The following UBE2G1 variants were observed in gnomAD, a reference collection of about 807,000 sequenced individuals.
The protein encoded by UBE2G1 is ubiquitin-conjugating enzyme E2 G1.
A neutral mutation model predicts 22.7 loss-of-function variants in UBE2G1; 5 were observed. The ratio of observed to expected loss-of-function variants is 0.22; its 90% CI spans 0.12 to 0.46. The LOEUF (loss-of-function observed/expected upper bound fraction) is 0.46. UBE2G1 is among the 20% of genes least tolerant of loss of function. The pLI is 0.99. For synonymous variants in UBE2G1, 74 were observed against 67.5 expected, an observed-to-expected ratio of 1.10 and a Z score of -0.47; for missense variants, 88 against 203.9, an observed-to-expected ratio of 0.43 and a Z score of 3.46.
intron 1 of UBE2G1, among the ~76,000 whole-genome samples, chr17:4,338,694 G>T (rs1009402399): frequency 6.6e-6 from 1 of 152,206 alleles, no homozygotes; most frequent in African/African-American, 2.4e-5. Flanking sequence ...TAGCTAGGCA[G>T]TATGCATGCT....
intron 1 of UBE2G1, among the ~76,000 whole-genome samples, chr17:4,314,279 C>T (rs541367198): frequency 6.6e-5 from 10 of 152,214 alleles, no homozygotes; most frequent in African/African-American, 2.4e-4. Flanking sequence ...AGGAAGCTAT[C>T]GAGTAATACT....
chr17:4,317,657 G>GA (rs1969391401), intron 1 of UBE2G1, among the ~76,000 whole-genome samples: 1 of 152,210 alleles, frequency 6.6e-6, no homozygotes, highest in African/African-American at 2.4e-5. Context: ...TTCCCAAAGG[G>GA]ATTTGCTTGG....
chr17:4,336,592 G>A (rs1221159621), intron 1 of UBE2G1, among the ~76,000 whole-genome samples: 5 of 151,828 alleles, frequency 3.3e-5, no homozygotes, highest in African/African-American at 1.2e-4. Context: ...GTACAATGGT[G>A]CAAGGCTCAC....
At position 4,307,111 on chromosome 17, in the gene UBE2G1, T is replaced by C; in HGVS notation, c.59A>G (p.Asn20Ser). Residue 20 changes from asparagine (N) to serine (S), a missense_variant, in exon 2 of 6, where the codon AAT becomes AGT. Coordinates refer to ENST00000396981, the MANE Select transcript of UBE2G1 (RefSeq NM_003342.5). ...LRRQLAELNK[N>S]PVEGFSAGLI... ...ACCTGCAGAAAAGCCTTCCACTGGA[T>C]TTTTGTTGAGTTCTGTGGAAAAAGA... 1 of 1,613,878 alleles carries C rather than the reference T, an allele frequency of 6.2e-7. No individual in the cohort carries two copies. Among genetic ancestry groups the C allele is most frequent in the South Asian group, 1.1e-5 (1 of 91,078 alleles).
intron 1 of UBE2G1, among the ~76,000 whole-genome samples, chr17:4,341,253 T>C (rs1969709069): frequency 6.6e-6 from 1 of 152,160 alleles, no homozygotes; most frequent in African/African-American, 2.4e-5. Flanking sequence ...ATCATCCCTT[T>C]ATAAAGTATT....
At chr17:4,304,447 G>A (rs1268574423) in intron 2 of UBE2G1, among the ~76,000 whole-genome samples, 1 of 152,138 alleles carries the variant, frequency 6.6e-6, no homozygotes, top group Non-Finnish European at 1.5e-5. Context: ...AAAGGCCTTA[G>A]GGACTACTGC....
At position 4,270,478 on chromosome 17, in the gene UBE2G1, G is replaced by A. The variant is rs980075766; in HGVS notation, c.*2076C>T. 2.0e-5 allele frequency: 3 copies of A among 151,686 alleles called. No homozygotes were observed. Among genetic ancestry groups the A allele is most frequent in the African/African-American group, 7.3e-5 (3 of 41,180 alleles). The allele number at this position is 151,686 out of a possible 1,614,324, so 9.4% of individuals were successfully genotyped here. On this transcript the variant is annotated 3_prime_UTR_variant, in exon 6 of 6. Transcript: ENST00000396981. ...GCAGGAGGATCACTTGAGCCCAGGA[G>A]GTCAAAGCTGCAGTTAGCTATGATC...
At chr17:4,281,452 A>G (rs372525276) in intron 5 of UBE2G1, among the ~76,000 whole-genome samples, 45 of 152,028 alleles carry the variant, frequency 3.0e-4, no homozygotes, top group Middle Eastern at 3.4e-3. Flanking sequence ...GATAATGGTA[A>G]TGTTCATTTT....
intron 5 of UBE2G1, among the ~76,000 whole-genome samples, chr17:4,279,212 T>A (rs1234094083): frequency 6.7e-6 from 1 of 149,854 alleles, no homozygotes; most frequent in Non-Finnish European, 1.5e-5. Flanking sequence ...GAGGCGGAGG[T>A]TGCAGTGAGC....
chr17:4,314,868 G>A (rs1394270977), intron 1 of UBE2G1, among the ~76,000 whole-genome samples: 2 of 152,162 alleles, frequency 1.3e-5, no homozygotes, highest in Non-Finnish European at 2.9e-5. Flanking sequence ...CTACTCTGCA[G>A]GATATTCTAA....
intron 3 of UBE2G1, among the ~76,000 whole-genome samples, chr17:4,290,323 A>T (rs1969018777): frequency 6.6e-6 from 1 of 152,248 alleles, no homozygotes; most frequent in Non-Finnish European, 1.5e-5. Context: ...TTGTGAATAA[A>T]TATAATGCTA....
At chr17:4,331,682 G>A (rs574706787) in intron 1 of UBE2G1, 1 of 152,258 alleles carries the variant, frequency 6.6e-6, no homozygotes, top group East Asian at 1.9e-4. Flanking sequence ...AAAAAGACCA[G>A]GTGGATTGCC....
chr17:4,301,909 T>C, intron 2 of UBE2G1: 1 of 492,022 alleles, frequency 2.0e-6, no homozygotes, highest in South Asian at 1.6e-5. Context: ...GTTCTGCTGG[T>C]CACACAACCC....
chr17:4,326,383 A>C (rs1174382475), intron 1 of UBE2G1, among the ~76,000 whole-genome samples: 1 of 152,202 alleles, frequency 6.6e-6, no homozygotes, highest in Non-Finnish European at 1.5e-5. Flanking sequence ...CCACAATGAG[A>C]TACCACTTCA....
chr17:4,273,534 G>T (rs1260270974), intron 5 of UBE2G1, among the ~76,000 whole-genome samples: 1 of 151,904 alleles, frequency 6.6e-6, no homozygotes, highest in Non-Finnish European at 1.5e-5. Flanking sequence ...GTAGAAACAG[G>T]GTCCTCACCA....
At chr17:4,331,638 AAT>A (rs1969579506) in intron 1 of UBE2G1, 1 of 152,220 alleles carries the variant, frequency 6.6e-6, no homozygotes, top group East Asian at 1.9e-4. Flanking sequence ...TTTCTAAAGA[AAT>A]TAAAAAATAA....
At chr17:4,346,079 T>C (rs1969767527) in intron 1 of UBE2G1, among the ~76,000 whole-genome samples, 1 of 152,220 alleles carries the variant, frequency 6.6e-6, no homozygotes. Flanking sequence ...AACAACTTCC[T>C]CTTTATAAAA....
chr17:4,347,795 A>C (rs1252825358), intron 1 of UBE2G1, among the ~76,000 whole-genome samples: 1 of 151,882 alleles, frequency 6.6e-6, no homozygotes, highest in East Asian at 1.9e-4. Flanking sequence ...CATTATTACT[A>C]TATTTGTTAT....
At chr17:4,311,220 T>C (rs1189735554) in intron 1 of UBE2G1, among the ~76,000 whole-genome samples, 1 of 152,022 alleles carries the variant, frequency 6.6e-6, no homozygotes, top group Non-Finnish European at 1.5e-5. Flanking sequence ...GAGCCAGACC[T>C]TGTCTCAGTT....
Sources: gnomAD v4.1 joint callset for allele counts (sites outside exome capture counted in the v4.1 genomes callset) on GRCh38, gnomAD v4.1.1 for gene constraint, MANE v1.5 for transcripts, NCBI Gene and HGNC (gene_info 2026-07-23, HGNC 2026-07-21) for gene names.